FRAS1: variants seen among roughly 807,000 people sequenced by gnomAD.
FRAS1 encodes extracellular matrix organizing protein FRAS1.
Under a neutral mutation model 435.2 loss-of-function variants are expected in FRAS1, and 290 were observed. That is an observed-to-expected ratio of 0.67 (90% CI 0.61 to 0.73). FRAS1 has a LOEUF of 0.73. Ranked by LOEUF, FRAS1 falls within the 30% of genes least tolerant of loss-of-function variation. FRAS1 has a pLI of 0.00. For missense variants in FRAS1, 4,860 were observed against 5,001.5 expected, an observed-to-expected ratio of 0.97 and a Z score of 0.85; for synonymous variants, 1,800 against 1,851.0, an observed-to-expected ratio of 0.97 and a Z score of 0.71.
In FRAS1 at chr4:78,450,336, C is replaced by T; in HGVS notation, c.6460C>T (p.Gln2154Ter). 6.2e-7 allele frequency: 1 copy of T among 1,613,648 alleles called. No homozygotes were observed. The highest frequency in any genetic ancestry group is 8.5e-7 in the Non-Finnish European group (1 of 1,179,618). Residue 2154 changes from glutamine (Q) to a stop codon, truncating the protein, a stop_gained, in exon 45 of 74, where the codon CAA (glutamine) becomes TAA (stop). Coordinates refer to ENST00000512123, the MANE Select transcript of FRAS1 (RefSeq NM_025074.7). LOFTEE classifies it high-confidence loss of function. ...AAGTTTCACCCAGGCAGACATTAGCCAAGGTCAGCCAGTTCTCTTCTGCCT... is the reference window on the plus strand; with the variant it reads ...AAGTTTCACCCAGGCAGACATTAGCTAAGGTCAGCCAGTTCTCTTCTGCCT... ...IRSFTQADIS[Q>*]GHVEYSHGTG...
intron 2 of FRAS1, among the ~76,000 whole-genome samples, chr4:78,165,722 C>T (rs1399660542): frequency 6.6e-6 from 1 of 152,106 alleles, no homozygotes; most frequent in African/African-American, 2.4e-5. Flanking sequence ...GGGGTTGGCT[C>T]CTGTGGAACT....
chr4:78,068,688 G>A (rs10016432), intron 2 of FRAS1: 101,320 of 417,934 alleles, frequency 0.24, 12,646 homozygotes, highest in East Asian at 0.36. Flanking sequence ...GACTCCATAG[G>A]GGTGAGTCAC....
chr4:78,389,818 T>G (rs1356811679), intron 29 of FRAS1, among the ~76,000 whole-genome samples: 1 of 152,210 alleles, frequency 6.6e-6, no homozygotes, highest in East Asian at 1.9e-4. Flanking sequence ...GGGTTTTAGC[T>G]GCTTTGACTA....
intron 64 of FRAS1, 114 bp from the exon 65 acceptor site, chr4:78,513,277 GA>G (rs923358842): frequency 1.3e-4 from 134 of 1,000,888 alleles, no homozygotes; most frequent in Middle Eastern, 2.6e-4. Context: ...GCTTCAGGAA[GA>G]AAAAAAAATG....
At chr4:78,230,743 T>G (rs1724482761) in intron 2 of FRAS1, among the ~76,000 whole-genome samples, 1 of 152,180 alleles carries the variant, frequency 6.6e-6, no homozygotes, top group Admixed American at 6.5e-5. Flanking sequence ...TAGGAAACAC[T>G]GTTAATTTTT....
At chr4:78,127,616 G>T (rs1388708570) in intron 2 of FRAS1, among the ~76,000 whole-genome samples, 1 of 151,120 alleles carries the variant, frequency 6.6e-6, no homozygotes, top group Non-Finnish European at 1.5e-5. Flanking sequence ...GGCCAACTGG[G>T]TGAATAGTGA....
intron 2 of FRAS1, among the ~76,000 whole-genome samples, chr4:78,180,487 T>C (rs933092636): frequency 6.6e-6 from 1 of 152,200 alleles, no homozygotes; most frequent in Non-Finnish European, 1.5e-5. Flanking sequence ...GGGGAACTTC[T>C]AAATCCTTAA....
intron 59 of FRAS1, among the ~76,000 whole-genome samples, chr4:78,494,616 T>A (rs1029282570): frequency 6.6e-6 from 1 of 152,122 alleles, no homozygotes; most frequent in African/African-American, 2.4e-5. Context: ...CACCCAAACA[T>A]CTTCCACCAG....
intron 47 of FRAS1, among the ~76,000 whole-genome samples, chr4:78,457,130 T>A (rs754326131): frequency 2.6e-5 from 4 of 152,190 alleles, no homozygotes; most frequent in Non-Finnish European, 5.9e-5. Flanking sequence ...TCTTCTCTGA[T>A]CTGTCAGAAT....
intron 2 of FRAS1, among the ~76,000 whole-genome samples, chr4:78,156,460 G>T (rs555942047): frequency 2.0e-5 from 3 of 151,756 alleles, no homozygotes; most frequent in African/African-American, 7.3e-5. Flanking sequence ...AACACAACTT[G>T]ATTTCATCTG....
rs1236108177 is a variant in FRAS1 at position 78,542,326 on chromosome 4, A to C, written c.*1202A>C. ...GGCCATGAACACATGGCTCTAAAAT[A>C]ATTTAGTGTTCAAGTATCAGCTTAA... On this transcript the variant is annotated 3_prime_UTR_variant, in exon 74 of 74. Coordinates refer to ENST00000512123, the MANE Select transcript of FRAS1 (RefSeq NM_025074.7). 6.6e-6 allele frequency: 1 copy of C among 152,218 alleles called. No homozygotes were observed. The highest frequency in any genetic ancestry group is 1.5e-5 in the Non-Finnish European group (1 of 68,046). The allele number at this position is 152,218 out of a possible 1,614,324, so 9.4% of individuals were successfully genotyped here. A position where few individuals can be genotyped will look rare whatever the true frequency, so the allele number is the denominator to read the frequency against.
intron 2 of FRAS1, among the ~76,000 whole-genome samples, chr4:78,173,432 C>T (rs537898442): frequency 6.6e-6 from 1 of 152,274 alleles, no homozygotes; most frequent in East Asian, 1.9e-4. Context: ...AGTCTTGTCA[C>T]CTCCCGGAGG....
intron 35 of FRAS1, among the ~76,000 whole-genome samples, chr4:78,425,480 T>C (rs1733963039): frequency 1.3e-5 from 2 of 152,204 alleles, no homozygotes; most frequent in Non-Finnish European, 2.9e-5. Context: ...TAGATGGGAT[T>C]GACTATTCCA....
At position 78,430,399 on chromosome 4, in the gene FRAS1, C is replaced by T. The variant is rs753960106; in HGVS notation, c.4951C>T (p.Arg1651Ter). Reference sequence around the variant, plus strand: ...GCTTCTTAAGCATACAGCTGAGTTCCGAAGGCCGATGGCCACAGGTAGCTA... The same window carrying T: ...GCTTCTTAAGCATACAGCTGAGTTCTGAAGGCCGATGGCCACAGGTAGCTA... ...GVLLKHTAEF[R>*]RPMATGDTFT... The change falls in exon 37 of 74, where the codon CGA (arginine) becomes TGA (stop). Residue 1651 changes from arginine (R) to a stop codon, truncating the protein, a stop_gained. Coordinates refer to ENST00000512123, the MANE Select transcript of FRAS1 (RefSeq NM_025074.7). LOFTEE classifies it high-confidence loss of function. 3.7e-6 allele frequency: 6 copies of T among 1,613,110 alleles called. No homozygotes were observed. The Admixed American group carries it at 6.7e-5, about 18-fold the overall frequency.
At chr4:78,236,939 GC>G (rs1724787732) in intron 2 of FRAS1, among the ~76,000 whole-genome samples, 2 of 152,174 alleles carry the variant, frequency 1.3e-5, no homozygotes, top group Admixed American at 1.3e-4. Flanking sequence ...ACCTCAATAT[GC>G]CCAGCACCCA....
rs186188622 is a variant in FRAS1, at chr4:78,195,120, C to T, written c.109-42390C>T. Among the ~76,000 whole-genome samples the T allele has an allele frequency of 2.6e-5, 4 of 152,296 alleles. No homozygotes were observed. The South Asian group carries it at 6.2e-4, about 24-fold the overall frequency. On this transcript the variant is annotated intron_variant, in intron 2 of 73. Coordinates refer to ENST00000512123, the MANE Select transcript of FRAS1 (RefSeq NM_025074.7). ...TGAACAGCAAATGTTGCTGCCTGAT[C>T]GTTCCTCCGGAAGTTTTGTCTCAGA...
chr4:78,266,421 G>A lies in FRAS1; in HGVS notation c.688-413G>A, dbSNP rs756774465. 1.4e-4 allele frequency among the ~76,000 whole-genome samples: 21 copies of A among 152,294 alleles called. No homozygotes were observed. The Middle Eastern group carries it at 0.01, about 74-fold the overall frequency. On this transcript the variant is annotated intron_variant, in intron 7 of 73. Transcript: ENST00000512123. ...GCAAATTTCCCGTGAGGTCCCCTCC[G>A]GTTGGACAGTGTCCATGCCCTAGCT...
Position 78,088,810 on chromosome 4 carries a change from G to A in FRAS1, c.108+22794G>A, listed in dbSNP as rs377289548. On this transcript the variant is annotated intron_variant, in intron 2 of 73. Coordinates refer to ENST00000512123, the MANE Select transcript of FRAS1 (RefSeq NM_025074.7). ...GCTGGAGAGGATGTGGAGAAATAGGGACACTTTTACACTGTTGGTGGGACT... is the reference window on the plus strand; with the variant it reads ...GCTGGAGAGGATGTGGAGAAATAGGAACACTTTTACACTGTTGGTGGGACT... Among the ~76,000 whole-genome samples the A allele has an allele frequency of 1.1e-4, 17 of 152,188 alleles. No homozygotes were observed. In the East Asian group the frequency reaches 1.7e-3, roughly 16 times the overall value.
Position 78,374,964 on chromosome 4 carries a change from A to G in FRAS1, c.3151+713A>G, listed in dbSNP as rs542985323. On this transcript the variant is annotated intron_variant, in intron 25 of 73. Transcript: ENST00000512123. Reference sequence around the variant, plus strand: ...CAAGTGAAAGAAAAATAAGAGACTTAAAAGTGTTAATCACAGCAGCTTAAG... The same window carrying G: ...CAAGTGAAAGAAAAATAAGAGACTTGAAAGTGTTAATCACAGCAGCTTAAG... Among the ~76,000 whole-genome samples the G allele has an allele frequency of 7.2e-5, 11 of 152,342 alleles. No individual in the cohort carries two copies. The Middle Eastern group carries it at 0.017, about 236-fold the overall frequency.
Sources: allele counts gnomAD v4.1 joint callset (sites outside exome capture counted in the v4.1 genomes callset), GRCh38; gene constraint gnomAD v4.1.1; transcripts MANE v1.5; gene names NCBI Gene and HGNC (gene_info 2026-07-23, HGNC 2026-07-21).